Variants in ATP6V1C1 observed in about 807,000 individuals in gnomAD.
ATP6V1C1 encodes the protein V-type proton ATPase subunit C 1.
In ATP6V1C1, 45 loss-of-function variants were observed where a neutral mutation model predicts 53.9. The observed-to-expected ratio is 0.83, with a 90% CI of 0.66 to 1.07. The LOEUF is 1.07. Ranked by LOEUF, ATP6V1C1 falls within the 50% of genes least tolerant of loss-of-function variation. ATP6V1C1 has a pLI of 0.00. For missense variants in ATP6V1C1, 315 were observed against 440.3 expected (o/e 0.72, Z 2.55); for synonymous variants, 153 against 155.2 (o/e 0.99, Z 0.11).
intron 1 of ATP6V1C1, among the ~76,000 whole-genome samples, chr8:103,028,789 A>G (rs927645105): frequency 6.6e-6 from 1 of 152,202 alleles, no homozygotes; most frequent in East Asian, 1.9e-4. Flanking sequence ...TTCTTTGACT[A>G]TGATTCCCAG....
chr8:103,034,569 A>ATT (rs3837181), intron 1 of ATP6V1C1, among the ~76,000 whole-genome samples: 11 of 139,430 alleles, frequency 7.9e-5, no homozygotes, highest in African/African-American at 2.2e-4. Context: ...TTCAAGGATA[A>ATT]TTTTTTTTTT....
chr8:103,021,917 G>C (rs1381666870), intron 1 of ATP6V1C1, among the ~76,000 whole-genome samples: 1 of 152,176 alleles, frequency 6.6e-6, no homozygotes, highest in Non-Finnish European at 1.5e-5. Context: ...ATTCTTTTCA[G>C]AGGAAAATTC....
intron 1 of ATP6V1C1, among the ~76,000 whole-genome samples, chr8:103,034,944 A>G (rs1447789758): frequency 6.6e-6 from 1 of 152,152 alleles, no homozygotes; most frequent in Non-Finnish European, 1.5e-5. Context: ...AATGGAAAAA[A>G]CAGATTTTGC....
At position 103,066,426 on chromosome 8, in the gene ATP6V1C1, C is replaced by T. The variant is rs1817491681; in HGVS notation, c.1032C>T (p.Ser344=). 2 of 1,603,624 alleles carry T rather than the reference C, an allele frequency of 1.2e-6. No homozygotes were observed. Among genetic ancestry groups the T allele is most frequent in the Non-Finnish European group, 1.7e-6 (2 of 1,177,110 alleles). ...VLHELYKHLD[S]SAAAIIDAPM... ...ATGAATTGTATAAACATCTAGACAG[C>T]AGTGCAGCAGCTATTATTGATGTAA... Residue 344 remains serine, a synonymous_variant, in exon 12 of 13, where the codon AGC becomes AGT. Transcript: ENST00000518738.
At chr8:103,031,742 G>T (rs758479898) in intron 1 of ATP6V1C1, among the ~76,000 whole-genome samples, 4 of 152,088 alleles carry the variant, frequency 2.6e-5, no homozygotes, top group Non-Finnish European at 5.9e-5. Context: ...GTAAAACACA[G>T]TGAGAAAAAC....
In ATP6V1C1 at chr8:103,067,164, C is replaced by T. The variant is rs558758988; in HGVS notation, c.1053+717C>T. Among the ~76,000 whole-genome samples the T allele has an allele frequency of 6.6e-5, 10 of 151,550 alleles. 1 individual carries two copies. The South Asian group carries it at 1.9e-3, about 28-fold the overall frequency. ...CTGTAATCCCAGCACTTTGGGAGGC[C>T]GAGGCGGGGGGATCACCTTAAGTCA... On this transcript the variant is annotated intron_variant, in intron 12 of 12. Transcript: ENST00000518738.
At chr8:103,034,837 C>T (rs1034739456) in intron 1 of ATP6V1C1, among the ~76,000 whole-genome samples, 9 of 152,142 alleles carry the variant, frequency 5.9e-5, no homozygotes, top group African/African-American at 2.2e-4. Context: ...TCCCAAAGTG[C>T]TGGGATTACA....
chr8:103,032,663 A>T lies in ATP6V1C1; in HGVS notation c.-39-8135A>T, dbSNP rs149864703. 7.4e-3 allele frequency among the ~76,000 whole-genome samples: 1,119 copies of T among 152,116 alleles called. 19 individuals are homozygous for T. Among genetic ancestry groups the T allele is most frequent in the African/African-American group, 0.026 (1,075 of 41,504 alleles). Reference sequence around the variant, plus strand: ...TGGCTAATTTTTGTAATTTTAGTAGAGACAGGGTTTCAGCATGTTGGCTAG... The same window carrying T: ...TGGCTAATTTTTGTAATTTTAGTAGTGACAGGGTTTCAGCATGTTGGCTAG... On this transcript the variant is annotated intron_variant, in intron 1 of 12. Transcript: ENST00000518738.
Position 103,042,297 on chromosome 8 carries a change from T to A in ATP6V1C1, c.133-43T>A, listed in dbSNP as rs28566904. ...GATGAATCATCTTGTTTTTTTTTTTTAAAAAAGCATGCCACCTAAATAACA... is the reference window on the plus strand; with the variant it reads ...GATGAATCATCTTGTTTTTTTTTTTAAAAAAAGCATGCCACCTAAATAACA... On this transcript the variant is annotated intron_variant, in intron 2 of 12. Transcript: ENST00000518738. 2.2e-3 allele frequency: 3,224 copies of A among 1,486,110 alleles called. 24 individuals are homozygous for A. The highest frequency in any genetic ancestry group is 0.02 in the African/African-American group (1,451 of 71,488). The allele number at this position is 1,486,110 out of a possible 1,614,324, so 92.1% of individuals were successfully genotyped here.
chr8:103,046,939 G>A (rs1460524882), intron 3 of ATP6V1C1, among the ~76,000 whole-genome samples: 2 of 152,064 alleles, frequency 1.3e-5, no homozygotes, highest in African/African-American at 4.8e-5. Flanking sequence ...GACACCAGGT[G>A]ATTCTACACT....
chr8:103,048,384 AT>A (rs1287537455), intron 3 of ATP6V1C1, among the ~76,000 whole-genome samples: 8 of 152,218 alleles, frequency 5.3e-5, no homozygotes, highest in African/African-American at 1.9e-4. Flanking sequence ...CAGTTAATGA[AT>A]TAATAATGTA....
At chr8:103,055,485 C>T (rs1817274982) in intron 7 of ATP6V1C1, among the ~76,000 whole-genome samples, 1 of 151,920 alleles carries the variant, frequency 6.6e-6, no homozygotes, top group Non-Finnish European at 1.5e-5. Flanking sequence ...TTTTTCAGTC[C>T]TTCATAATGG....
intron 3 of ATP6V1C1, among the ~76,000 whole-genome samples, chr8:103,047,300 G>A (rs1322910326): frequency 2.0e-5 from 3 of 151,344 alleles, no homozygotes; most frequent in African/African-American, 7.3e-5. Context: ...CCTCCTGCTT[G>A]AGGGGCCAAG....
At chr8:103,059,307 C>A (rs1253625071) in intron 8 of ATP6V1C1, among the ~76,000 whole-genome samples, 1 of 152,150 alleles carries the variant, frequency 6.6e-6, no homozygotes, top group Non-Finnish European at 1.5e-5. Flanking sequence ...GCTAAATCTT[C>A]GTCTGTAGCC....
At chr8:103,065,856 A>G (rs1485839102) in intron 11 of ATP6V1C1, among the ~76,000 whole-genome samples, 1 of 152,126 alleles carries the variant, frequency 6.6e-6, no homozygotes, top group African/African-American at 2.4e-5. Flanking sequence ...ATGCTGGCCA[A>G]CATGGTGAAA....
At chr8:103,028,590 A>G (rs1317842999) in intron 1 of ATP6V1C1, among the ~76,000 whole-genome samples, 1 of 152,204 alleles carries the variant, frequency 6.6e-6, no homozygotes, top group African/African-American at 2.4e-5. Flanking sequence ...CTCACCTAGT[A>G]TAGGTTCAGG....
chr8:103,064,471 G>A (rs953150043), intron 10 of ATP6V1C1: 3 of 302,800 alleles, frequency 9.9e-6, no homozygotes, highest in African/African-American at 6.5e-5. Flanking sequence ...CTTTTTCTGT[G>A]TTAGTGAATT....
chr8:103,073,018 A>G lies in ATP6V1C1; in HGVS notation c.*4271A>G, dbSNP rs1170210291. ...GCTTATTGTGTACACCGGGGCTTGTACTTGGGGAATTTAATAAAAATGCTC... is the reference window on the plus strand; with the variant it reads ...GCTTATTGTGTACACCGGGGCTTGTGCTTGGGGAATTTAATAAAAATGCTC... On this transcript the variant is annotated 3_prime_UTR_variant, in exon 13 of 13. Coordinates refer to ENST00000518738, the MANE Select transcript of ATP6V1C1 (RefSeq NM_001695.5). 1 of 152,224 alleles carries G rather than the reference A, an allele frequency of 6.6e-6. No homozygotes were observed. Among genetic ancestry groups the G allele is most frequent in the Non-Finnish European group, 1.5e-5 (1 of 68,028 alleles). 9.4% of individuals were successfully genotyped at this position (152,224 alleles called of 1,614,324 possible).
chr8:103,057,966 C>T (rs1000392289), intron 8 of ATP6V1C1, among the ~76,000 whole-genome samples: 4 of 151,990 alleles, frequency 2.6e-5, no homozygotes, highest in African/African-American at 4.8e-5. Flanking sequence ...GCATTAGAGC[C>T]GTAGAGGTTG....
Sources: allele counts gnomAD v4.1 joint callset (sites outside exome capture counted in the v4.1 genomes callset), GRCh38; gene constraint gnomAD v4.1.1; transcripts MANE v1.5; gene names NCBI Gene and HGNC (gene_info 2026-07-23, HGNC 2026-07-21).